Variants in EBF1 observed in about 807,000 individuals in gnomAD.
EBF1 encodes transcription factor COE1.
Under a neutral mutation model 68.4 loss-of-function variants are expected in EBF1, and 10 were observed. The observed-to-expected ratio is 0.15, with a 90% CI of 0.09 to 0.25. The LOEUF is 0.25. Ranked by LOEUF, EBF1 falls within the 10% of genes least tolerant of loss-of-function variation. EBF1 has a pLI of 1.00. For missense variants in EBF1, 509 were observed against 794.4 expected (o/e 0.64, Z 4.32); for synonymous variants, 298 against 299.8 (o/e 0.99, Z 0.06).
At chr5:159,020,759 C>G (rs1766522848) in intron 6 of EBF1, among the ~76,000 whole-genome samples, 1 of 152,214 alleles carries the variant, frequency 6.6e-6, no homozygotes, top group African/African-American at 2.4e-5. Flanking sequence ...ATTCTTCCCC[C>G]TCTCCAAAGT....
At chr5:158,778,843 G>T (rs1775833529) in intron 9 of EBF1, among the ~76,000 whole-genome samples, 1 of 152,100 alleles carries the variant, frequency 6.6e-6, no homozygotes, top group East Asian at 1.9e-4. Context: ...ATATAAAAAA[G>T]CCCTAAATGA....
At chr5:158,863,949 G>A (rs1236880705) in intron 6 of EBF1, among the ~76,000 whole-genome samples, 2 of 152,020 alleles carry the variant, frequency 1.3e-5, no homozygotes, top group Non-Finnish European at 2.9e-5. Context: ...TCTAACTCAG[G>A]GGCCAGGTGT....
intron 6 of EBF1, among the ~76,000 whole-genome samples, chr5:158,849,348 C>T (rs1792163087): frequency 6.6e-6 from 1 of 152,168 alleles, no homozygotes; most frequent in African/African-American, 2.4e-5. Context: ...ATGAAATCTC[C>T]TTCCTGCCTT....
intron 10 of EBF1, among the ~76,000 whole-genome samples, chr5:158,775,808 A>G: frequency 6.6e-6 from 1 of 151,176 alleles, no homozygotes; most frequent in Non-Finnish European, 1.5e-5. Context: ...ACACACACAC[A>G]CACACACACA....
intron 6 of EBF1, among the ~76,000 whole-genome samples, chr5:158,900,000 G>A (rs1802960246): frequency 6.6e-6 from 1 of 152,166 alleles, no homozygotes; most frequent in Non-Finnish European, 1.5e-5. Context: ...TGGGAGGCAA[G>A]AGGCTTCCAG....
At chr5:159,042,230 G>T (rs892211159) in intron 6 of EBF1, among the ~76,000 whole-genome samples, 1 of 152,154 alleles carries the variant, frequency 6.6e-6, no homozygotes, top group Non-Finnish European at 1.5e-5. Context: ...AAAGGGATCT[G>T]GATCTGAGAA....
chr5:159,093,559 T>G (rs1400561605), intron 4 of EBF1, among the ~76,000 whole-genome samples: 1 of 152,130 alleles, frequency 6.6e-6, no homozygotes, highest in Non-Finnish European at 1.5e-5. Context: ...TGACACCAAG[T>G]GGTCAAAGAA....
intron 15 of EBF1, among the ~76,000 whole-genome samples, chr5:158,699,986 C>T (rs1756377772): frequency 1.3e-5 from 2 of 152,210 alleles, no homozygotes; most frequent in South Asian, 4.1e-4. Flanking sequence ...GGCTTTTCTG[C>T]TGTGAAGCTC....
chr5:158,977,197 T>A (rs1439244395), intron 6 of EBF1, among the ~76,000 whole-genome samples: 2 of 152,066 alleles, frequency 1.3e-5, no homozygotes, highest in Non-Finnish European at 2.9e-5. Flanking sequence ...GACAGCCAGT[T>A]CCCCAATCCA....
chr5:158,875,056 TACACACACACACACACAC>T (rs3035121), intron 6 of EBF1, among the ~76,000 whole-genome samples: 25 of 147,302 alleles, frequency 1.7e-4, no homozygotes, highest in African/African-American at 6.3e-4. Flanking sequence ...CACACACACA[TACACACACACACACACAC>T]ACACACACAC....
chr5:158,768,828 A>T (rs183496955), intron 10 of EBF1, among the ~76,000 whole-genome samples: 1 of 152,278 alleles, frequency 6.6e-6, no homozygotes. Context: ...ATACAGTCAA[A>T]AGCTGAAGGG....
At chr5:159,091,749 A>C (rs1264160123) in intron 4 of EBF1, among the ~76,000 whole-genome samples, 1 of 152,180 alleles carries the variant, frequency 6.6e-6, no homozygotes, top group Non-Finnish European at 1.5e-5. Flanking sequence ...ATATATCAAG[A>C]AGTCTAGCTG....
intron 6 of EBF1, among the ~76,000 whole-genome samples, chr5:158,902,896 G>A (rs1803750367): frequency 2.6e-5 from 4 of 152,194 alleles, no homozygotes; most frequent in Admixed American, 2.0e-4. Flanking sequence ...TTTGACAGGT[G>A]CGGTTAGAGA....
chr5:158,807,088 C>T (rs760646805), intron 8 of EBF1, among the ~76,000 whole-genome samples: 3 of 152,144 alleles, frequency 2.0e-5, no homozygotes, highest in Non-Finnish European at 4.4e-5. Context: ...TCCATCATCA[C>T]AGGAAGTTCA....
rs1791095818 is a variant in EBF1 at position 158,844,808 on chromosome 5, C to A, written c.555-4698G>T. ...TATTAAAAGTTTTATTTGGGTTCAT[C>A]AATCAGGCCAGTGTAGGACATTAGC... is the stretch of plus-strand genomic sequence containing the variant. On this transcript the variant is annotated intron_variant, in intron 6 of 15. Coordinates refer to ENST00000313708, the MANE Select transcript of EBF1 (RefSeq NM_024007.5). 2.0e-5 allele frequency among the ~76,000 whole-genome samples: 3 copies of A among 152,172 alleles called. No homozygotes were observed. The South Asian group carries it at 6.2e-4, about 32-fold the overall frequency.
intron 6 of EBF1, among the ~76,000 whole-genome samples, chr5:159,003,852 C>A (rs1763037254): frequency 1.3e-5 from 2 of 152,352 alleles, no homozygotes; most frequent in Admixed American, 6.5e-5. Flanking sequence ...CCTTTGAGAT[C>A]ATGGATGAGT....
intron 11 of EBF1, among the ~76,000 whole-genome samples, chr5:158,721,669 G>A (rs753532560): frequency 4.6e-5 from 7 of 152,072 alleles, no homozygotes; most frequent in Middle Eastern, 3.2e-3. Flanking sequence ...CTGTTGGTTC[G>A]ATCGTGTGAC....
rs1813706434 is a variant in EBF1 at position 158,942,735 on chromosome 5, T to A, written c.555-102625A>T. On this transcript the variant is annotated intron_variant, in intron 6 of 15. Transcript: ENST00000313708. ...TACACTGTAAGGAGAAATGCTGGAA[T>A]AGAGTGGCCATCTAGAAAGGCTCTA... 2.6e-5 allele frequency among the ~76,000 whole-genome samples: 4 copies of A among 151,722 alleles called. No homozygotes were observed. In the South Asian group the frequency reaches 8.4e-4, roughly 32 times the overall value.
At chr5:158,986,730 G>A (rs1012840897) in intron 6 of EBF1, 1 of 152,130 alleles carries the variant, frequency 6.6e-6, no homozygotes, top group East Asian at 1.9e-4. Context: ...AAATTCCTAA[G>A]AATTTAATCT....
Sources: gnomAD v4.1 joint callset for allele counts (sites outside exome capture counted in the v4.1 genomes callset) on GRCh38, gnomAD v4.1.1 for gene constraint, MANE v1.5 for transcripts, NCBI Gene and HGNC (gene_info 2026-07-23, HGNC 2026-07-21) for gene names.